Variants in ZNF827 observed in about 807,000 individuals in gnomAD.
ZNF827 encodes the protein zinc finger protein 827.
A neutral mutation model predicts 102.4 loss-of-function variants in ZNF827; 13 were observed. The observed-to-expected ratio is 0.13, with a 90% CI of 0.08 to 0.20. The LOEUF is 0.20. Ranked by LOEUF, ZNF827 falls within the 10% of genes least tolerant of loss-of-function variation. ZNF827 has a pLI of 1.00. For missense variants in ZNF827, 1,103 were observed against 1,344.4 expected (o/e 0.82, Z 2.81); for synonymous variants, 523 against 536.2 (o/e 0.98, Z 0.34).
intron 5 of ZNF827, among the ~76,000 whole-genome samples, chr4:145,869,740 T>G (rs1748521258): frequency 6.6e-6 from 1 of 152,202 alleles, no homozygotes; most frequent in African/African-American, 2.4e-5. Flanking sequence ...TATTGTAATA[T>G]TCCATTATAA....
In ZNF827 at chr4:145,818,753, C is replaced by T. The variant is rs140486265; in HGVS notation, c.2383+4669G>A. 8.5e-5 allele frequency among the ~76,000 whole-genome samples: 13 copies of T among 152,278 alleles called. 1 individual carries two copies. The East Asian group carries it at 1.2e-3, about 14-fold the overall frequency. On this transcript the variant is annotated intron_variant, in intron 8 of 14. Coordinates refer to ENST00000508784, the MANE Select transcript of ZNF827 (RefSeq NM_001306215.2). The stretch of plus-strand genomic sequence containing the variant: ...ATTGAGACGTATCTTTTTAAGCCAA[C>T]GGTCTTAAAGAGGTCATTCACTTCT...
intron 1 of ZNF827, among the ~76,000 whole-genome samples, chr4:145,927,451 TAGAA>T (rs1167665416): frequency 6.6e-6 from 1 of 152,196 alleles, no homozygotes; most frequent in Non-Finnish European, 1.5e-5. Context: ...GGGTAGAAGT[TAGAA>T]GGAAGATACA....
chr4:145,761,209 A>T lies in ZNF827; in HGVS notation c.*407T>A, dbSNP rs764330244. 1 of 1,289,784 alleles carries T rather than the reference A, an allele frequency of 7.8e-7. No individual in the cohort carries two copies. Among genetic ancestry groups the T allele is most frequent in the South Asian group, 1.2e-5 (1 of 81,024 alleles). 79.9% of individuals were successfully genotyped at this position (1,289,784 alleles called of 1,614,324 possible). On this transcript the variant is annotated 3_prime_UTR_variant, in exon 15 of 15. Coordinates refer to ENST00000508784, the MANE Select transcript of ZNF827 (RefSeq NM_001306215.2). This position sits in a 1 kb window ranked among gnomAD's most constrained non-coding sequence, Gnocchi z 6.8. ...GCAGTCCCCACTCTGGTGCTTCTTG[A>T]CGTGGCGGCTGAAGACGAAAGGGTG...
At chr4:145,906,602 G>T (rs1751889793) in intron 1 of ZNF827, among the ~76,000 whole-genome samples, 1 of 152,158 alleles carries the variant, frequency 6.6e-6, no homozygotes, top group African/African-American at 2.4e-5. Flanking sequence ...TGTGCCAAAG[G>T]CTAAAGAAAC....
At chr4:145,877,049 T>TC (rs1392209991) in intron 4 of ZNF827, among the ~76,000 whole-genome samples, 4 of 152,146 alleles carry the variant, frequency 2.6e-5, no homozygotes, top group African/African-American at 9.7e-5. Context: ...CAACTTTTTT[T>TC]CCCCCTAATT....
At position 145,761,768 on chromosome 4, in the gene ZNF827, C is replaced by T. The variant is rs1336265631; in HGVS notation, c.*18-170G>A. The stretch of plus-strand genomic sequence containing the variant: ...TCAGGGGTGGAACGGCCCTTTTTGG[C>T]TCTCCCTGCTGACAGAGCAGTCCCC... On this transcript the variant is annotated intron_variant, in intron 14 of 14. Transcript: ENST00000508784. This position sits in a 1 kb window ranked among gnomAD's most constrained non-coding sequence, Gnocchi z 6.8. Among the ~76,000 whole-genome samples the T allele has an allele frequency of 6.6e-6, 1 of 152,170 alleles. No individual in the cohort carries two copies. Among genetic ancestry groups the T allele is most frequent in the Non-Finnish European group, 1.5e-5 (1 of 68,012 alleles).
chr4:145,845,498 T>A (rs1481724421), intron 7 of ZNF827, among the ~76,000 whole-genome samples: 1 of 152,126 alleles, frequency 6.6e-6, no homozygotes, highest in Non-Finnish European at 1.5e-5. Context: ...TTAAAAAAAA[T>A]TTGGGATATC....
At chr4:145,880,345 T>C (rs898965083) in intron 4 of ZNF827, among the ~76,000 whole-genome samples, 12 of 152,250 alleles carry the variant, frequency 7.9e-5, no homozygotes, top group African/African-American at 2.7e-4. Flanking sequence ...TTATACCACC[T>C]ACTATGGCGT....
rs913162365 is a variant in ZNF827, at chr4:145,762,077, A to G, written c.*18-479T>C. On this transcript the variant is annotated intron_variant, in intron 14 of 14. Transcript: ENST00000508784. The surrounding 1 kb of genome is among the most constrained non-coding windows in gnomAD (Gnocchi z 4.9). ...CAGAAAGGCTAAGAGGTTTTAAAGA[A>G]CAGCTTATAGGGGGAGCGCTACCTC... 3.3e-5 allele frequency among the ~76,000 whole-genome samples: 5 copies of G among 152,192 alleles called. No individual in the cohort carries two copies. Among genetic ancestry groups the G allele is most frequent in the Non-Finnish European group, 7.4e-5 (5 of 68,024 alleles).
intron 8 of ZNF827, among the ~76,000 whole-genome samples, chr4:145,798,657 G>T (rs1321379738): frequency 6.6e-6 from 1 of 151,972 alleles, no homozygotes; most frequent in African/African-American, 2.4e-5. Context: ...ACAAGAATAA[G>T]ATTTGTCTCA....
intron 1 of ZNF827, among the ~76,000 whole-genome samples, chr4:145,920,769 T>C (rs1753008523): frequency 6.6e-6 from 1 of 152,244 alleles, no homozygotes; most frequent in African/African-American, 2.4e-5. Context: ...CTTAATTTCA[T>C]TCATTTCTTC....
At chr4:145,888,527 T>C (rs76569887) in intron 3 of ZNF827, among the ~76,000 whole-genome samples, 76 of 152,270 alleles carry the variant, frequency 5.0e-4, no homozygotes, top group Admixed American at 2.4e-3. Flanking sequence ...TTGGTAGCAG[T>C]TGGATGCTTG....
At chr4:145,774,757 C>T in intron 10 of ZNF827, 85 bp from the exon 11 acceptor site, 1 of 1,420,458 alleles carries the variant, frequency 7.0e-7, no homozygotes, top group Non-Finnish European at 9.6e-7. Context: ...ATACACAGTA[C>T]ACTCAAGAAA....
chr4:145,806,853 T>C (rs951933720), intron 8 of ZNF827, among the ~76,000 whole-genome samples: 1 of 152,204 alleles, frequency 6.6e-6, no homozygotes, highest in African/African-American at 2.4e-5. Flanking sequence ...GACTGTCCCA[T>C]TGAACACTCT....
chr4:145,838,946 T>A (rs1012668587), intron 7 of ZNF827, among the ~76,000 whole-genome samples: 6 of 152,170 alleles, frequency 3.9e-5, no homozygotes, highest in East Asian at 3.8e-4. Flanking sequence ...GAGGGACAAT[T>A]GTAAAAGACA....
chr4:145,920,922 GAAT>G (rs1414520234), intron 1 of ZNF827, among the ~76,000 whole-genome samples: 1 of 152,170 alleles, frequency 6.6e-6, no homozygotes, highest in Non-Finnish European at 1.5e-5. Flanking sequence ...GTACAAAAAT[GAAT>G]AAGAAAGTCC....
chr4:145,806,403 G>A (rs1421156075), intron 8 of ZNF827, among the ~76,000 whole-genome samples: 1 of 152,020 alleles, frequency 6.6e-6, no homozygotes, highest in African/African-American at 2.4e-5. Context: ...CAATACTCCT[G>A]CCTTGGCCTC....
chr4:145,863,459 G>A (rs889880835), intron 5 of ZNF827, among the ~76,000 whole-genome samples: 2 of 152,214 alleles, frequency 1.3e-5, no homozygotes, highest in African/African-American at 4.8e-5. Context: ...AATGTTCATA[G>A]TAGCAGAAGA....
chr4:145,792,233 TC>T (rs1158277534), intron 8 of ZNF827, among the ~76,000 whole-genome samples: 33 of 152,274 alleles, frequency 2.2e-4, no homozygotes, highest in African/African-American at 7.5e-4. Context: ...AACACAACGT[TC>T]CTGTTGAAGA....
Sources: allele counts gnomAD v4.1 joint callset (sites outside exome capture counted in the v4.1 genomes callset), GRCh38; gene constraint gnomAD v4.1.1; non-coding constraint Gnocchi (gnomAD v3.1); transcripts MANE v1.5; gene names NCBI Gene and HGNC (gene_info 2026-07-23, HGNC 2026-07-21).